The following CATSPERT variants were observed in gnomAD, a reference collection of about 807,000 sequenced individuals.
CATSPERT encodes the protein catsper channel auxiliary subunit tau.
chr2:201,612,748 G>C, the CATSPERT span, among the ~76,000 whole-genome samples: 1 of 152,072 alleles, frequency 6.6e-6, no homozygotes. Context: ...GGAGCAGGGT[G>C]GGGCATCGCC....
the CATSPERT span, among the ~76,000 whole-genome samples, chr2:201,552,427 T>C: frequency 1.3e-5 from 2 of 152,190 alleles, no homozygotes; most frequent in Non-Finnish European, 2.9e-5. Context: ...ATATGTACCA[T>C]AGATTGAGGT....
At chr2:201,586,336 T>C in the CATSPERT span, among the ~76,000 whole-genome samples, 22 of 151,560 alleles carry the variant, frequency 1.5e-4, no homozygotes, top group African/African-American at 4.9e-4. Flanking sequence ...ATCCCAGAGA[T>C]GAAGAAAAGA....
At chr2:201,510,628 T>C in the CATSPERT span, among the ~76,000 whole-genome samples, 1 of 152,104 alleles carries the variant, frequency 6.6e-6, no homozygotes, top group Non-Finnish European at 1.5e-5. Flanking sequence ...AAGTTGACTA[T>C]AGGGAAAAGG....
the CATSPERT span, among the ~76,000 whole-genome samples, chr2:201,598,914 C>T: frequency 6.6e-6 from 1 of 152,146 alleles, no homozygotes; most frequent in African/African-American, 2.4e-5. Flanking sequence ...ACACACATTT[C>T]CCTTGCCCTA....
chr2:201,617,544 T>C, the CATSPERT span, among the ~76,000 whole-genome samples: 2,662 of 152,296 alleles, frequency 0.017, 74 homozygotes, highest in African/African-American at 0.056. Flanking sequence ...TTACGCCTTA[T>C]ACAAAAATTA....
chr2:201,499,145 TA>T, the CATSPERT span, among the ~76,000 whole-genome samples: 1 of 152,278 alleles, frequency 6.6e-6, no homozygotes, highest in Non-Finnish European at 1.5e-5. Context: ...AAATGAAGTT[TA>T]CCATATATAT....
At chr2:201,564,405 G>A in the CATSPERT span, among the ~76,000 whole-genome samples, 2 of 150,396 alleles carry the variant, frequency 1.3e-5, no homozygotes, top group Non-Finnish European at 2.9e-5. Flanking sequence ...AAGCATGTGA[G>A]AATGTAAGAA....
the CATSPERT span, chr2:201,549,792 T>A: frequency 6.6e-6 from 1 of 152,112 alleles, no homozygotes; most frequent in Non-Finnish European, 1.5e-5. Flanking sequence ...CCACACAAAA[T>A]AGATGCTTAA....
chr2:201,541,937 C>T, the CATSPERT span, among the ~76,000 whole-genome samples: 11 of 151,530 alleles, frequency 7.3e-5, no homozygotes, highest in South Asian at 2.1e-4. Context: ...CCACCCAGGC[C>T]GAAGTACAGT....
chr2:201,515,177 A>C, the CATSPERT span, among the ~76,000 whole-genome samples: 3 of 124,786 alleles, frequency 2.4e-5, no homozygotes, highest in Non-Finnish European at 3.3e-5. Context: ...TGCCAAAGGA[A>C]TTGAGTGTTG....
chr2:201,511,280 T>A, the CATSPERT span, among the ~76,000 whole-genome samples: 1 of 152,206 alleles, frequency 6.6e-6, no homozygotes, highest in Non-Finnish European at 1.5e-5. Context: ...TTCGTACTTA[T>A]CCTATACTTA....
At chr2:201,508,068 A>G in the CATSPERT span, among the ~76,000 whole-genome samples, 20 of 152,380 alleles carry the variant, frequency 1.3e-4, no homozygotes, top group African/African-American at 4.8e-4. Flanking sequence ...ATGTTAAATT[A>G]GCATAGGATA....
chr2:201,607,200 A>T, the CATSPERT span, among the ~76,000 whole-genome samples: 1 of 152,158 alleles, frequency 6.6e-6, no homozygotes, highest in African/African-American at 2.4e-5. Context: ...ATTTGGGTAA[A>T]AGAAGCCAGA....
the CATSPERT span, among the ~76,000 whole-genome samples, chr2:201,601,309 TGTGTGTGG>T: frequency 2.2e-3 from 314 of 144,804 alleles, 2 homozygotes; most frequent in Middle Eastern, 7.0e-3. Context: ...TGTGTGTGTG[TGTGTGTGG>T]GTTGTAATAA....
At chr2:201,562,902 C>T in the CATSPERT span, among the ~76,000 whole-genome samples, 8 of 147,490 alleles carry the variant, frequency 5.4e-5, no homozygotes, top group African/African-American at 1.3e-4. Context: ...TGAAAAGTCT[C>T]CCATGTCTAC....
At chr2:201,565,586 C>T in the CATSPERT span, 20 of 791,116 alleles carry the variant, frequency 2.5e-5, no homozygotes, top group Middle Eastern at 4.1e-4. Context: ...ATCTCTGAAC[C>T]CATGAAACAA....
chr2:201,609,623 A>T, the CATSPERT span, among the ~76,000 whole-genome samples: 3 of 152,210 alleles, frequency 2.0e-5, no homozygotes, highest in Non-Finnish European at 4.4e-5. Flanking sequence ...ACAGAAAATT[A>T]AAAAATTTCT....
the CATSPERT span, among the ~76,000 whole-genome samples, chr2:201,594,893 A>T: frequency 2.0e-5 from 3 of 152,020 alleles, no homozygotes; most frequent in African/African-American, 7.2e-5. Context: ...AATTTTTTTC[A>T]AAGTTTTCAA....
At chr2:201,513,092 TA>T in the CATSPERT span, among the ~76,000 whole-genome samples, 30 of 139,010 alleles carry the variant, frequency 2.2e-4, no homozygotes, top group South Asian at 6.8e-4. Flanking sequence ...AATAATAAAA[TA>T]AAAAAAAAGA....
Sources: gnomAD v4.1 joint callset for allele counts (sites outside exome capture counted in the v4.1 genomes callset) on GRCh38, gnomAD v4.1.1 for gene constraint, MANE v1.5 for transcripts, NCBI Gene and HGNC (gene_info 2026-07-23, HGNC 2026-07-21) for gene names.